ZNF234: variants seen among roughly 807,000 people sequenced by gnomAD.
The protein encoded by ZNF234 is zinc finger protein 234, also known as C2-H2 type zinc finger protein.
Under a neutral mutation model 10.3 loss-of-function variants are expected in ZNF234, and 4 were observed. The ratio of observed to expected loss-of-function variants is 0.39; its 90% CI spans 0.19 to 0.89. ZNF234 has a LOEUF of 0.89. Among genes scored for constraint, ZNF234 ranks in the 40% least tolerant of loss-of-function variants. ZNF234 has a pLI of 0.38. For missense variants in ZNF234, 711 were observed against 836.1 expected, an observed-to-expected ratio of 0.85 and a Z score of 1.85; for synonymous variants, 258 against 280.1, an observed-to-expected ratio of 0.92 and a Z score of 0.79.
At chr19:44,149,570 A>G (rs930547997) in intron 4 of ZNF234, among the ~76,000 whole-genome samples, 1 of 152,172 alleles carries the variant, frequency 6.6e-6, no homozygotes, top group Admixed American at 6.5e-5. Flanking sequence ...ATGAGTGCAG[A>G]CAGAAATGTG....
At chr19:44,152,252 G>C (rs1267762233) in intron 5 of ZNF234, among the ~76,000 whole-genome samples, 1 of 152,166 alleles carries the variant, frequency 6.6e-6, no homozygotes, top group African/African-American at 2.4e-5. Flanking sequence ...TCCAAGAGTG[G>C]AGGAATTTTT....
At chr19:44,142,584 G>C (rs1215401428) in intron 2 of ZNF234, among the ~76,000 whole-genome samples, 1 of 152,182 alleles carries the variant, frequency 6.6e-6, no homozygotes, top group Non-Finnish European at 1.5e-5. Flanking sequence ...TAGGCATTCA[G>C]GGTCAGAGCC....
chr19:44,152,091 G>T (rs1376177139), intron 5 of ZNF234, among the ~76,000 whole-genome samples: 1 of 152,044 alleles, frequency 6.6e-6, no homozygotes, highest in Non-Finnish European at 1.5e-5. Flanking sequence ...ACTTCATCCT[G>T]GTCTCTGCTC....
At chr19:44,153,160 T>TATATATATATATATATATATATA (rs1568552108) in intron 5 of ZNF234, among the ~76,000 whole-genome samples, 2 of 64,918 alleles carry the variant, frequency 3.1e-5, no homozygotes, top group African/African-American at 2.1e-4. Context: ...TAATCATGTA[T>TATATATATATATATATATATATA]TCATCATATA....
intron 4 of ZNF234, chr19:44,149,836 G>A (rs1968692985): frequency 6.6e-6 from 1 of 152,272 alleles, no homozygotes; most frequent in Admixed American, 6.5e-5. Context: ...AGAAAGTAGA[G>A]TGCCCACTGG....
chr19:44,154,767 A>G (rs1968839468), intron 5 of ZNF234, among the ~76,000 whole-genome samples: 1 of 151,348 alleles, frequency 6.6e-6, no homozygotes, highest in South Asian at 2.1e-4. Context: ...AAATAGTGTT[A>G]ACTACGGGTG....
At chr19:44,143,845 A>G (rs1968528483) in intron 2 of ZNF234, among the ~76,000 whole-genome samples, 1 of 152,170 alleles carries the variant, frequency 6.6e-6, no homozygotes, top group African/African-American at 2.4e-5. Context: ...ATTAATTTTT[A>G]TGAGTAGATA....
intron 3 of ZNF234, among the ~76,000 whole-genome samples, chr19:44,145,286 T>C (rs961327783): frequency 5.3e-5 from 8 of 152,368 alleles, no homozygotes; most frequent in Middle Eastern, 3.4e-3. Context: ...TGTTCATTTT[T>C]TGAGGTTATG....
intron 5 of ZNF234, among the ~76,000 whole-genome samples, chr19:44,152,000 A>G (rs549932894): frequency 3.3e-5 from 5 of 152,308 alleles, no homozygotes; most frequent in Middle Eastern, 3.4e-3. Context: ...TGCCAACTAC[A>G]GATACTTCTG....
At position 44,157,879 on chromosome 19, in the gene ZNF234, G is replaced by C. The variant is rs1968943852; in HGVS notation, c.1863G>C (p.Glu621Asp). 1.2e-6 allele frequency: 2 copies of C among 1,614,010 alleles called. No homozygotes were observed. Among genetic ancestry groups the C allele is most frequent in the African/African-American group, 2.7e-5 (2 of 74,898 alleles). ...LQLHQSVHTGEKPYKCDVCGK... is the reference protein window; with the variant it reads ...LQLHQSVHTGDKPYKCDVCGK... ...TTCATCAGAGTGTCCACACAGGAGA[G>C]AAACCATACAAATGTGATGTATGTG... The change falls in exon 6 of 6, where the codon GAG (glutamate) becomes GAC (aspartate). Residue 621 changes from glutamate (E) to aspartate (D), a missense_variant. Physicochemically the swap from Glu to Asp is conservative, Grantham distance 45 (BLOSUM62 2). Coordinates refer to ENST00000426739, the MANE Select transcript of ZNF234 (RefSeq NM_006630.3).
intron 4 of ZNF234, chr19:44,149,820 A>T (rs1158255162): frequency 6.6e-6 from 1 of 152,202 alleles, no homozygotes; most frequent in Non-Finnish European, 1.5e-5. Flanking sequence ...TTACAGTTTG[A>T]AAAAAAGAAA....
chr19:44,157,387 G>A lies in ZNF234; in HGVS notation c.1371G>A (p.Lys457=), dbSNP rs373527992. The A allele has an allele frequency of 6.2e-6, 10 of 1,613,982 alleles. No homozygotes were observed. The South Asian group carries it at 6.6e-5, about 11-fold the overall frequency. The change falls in exon 6 of 6, where the codon AAG becomes AAA. Residue 457 remains lysine, a synonymous_variant. Coordinates refer to ENST00000426739, the MANE Select transcript of ZNF234 (RefSeq NM_006630.3). ...CACATAGTGTACAGAAACCTTTTAAGTGTGAAGAGTGTGGGCAGGGCTTCA... is the reference window on the plus strand; with the variant it reads ...CACATAGTGTACAGAAACCTTTTAAATGTGAAGAGTGTGGGCAGGGCTTCA... The part of the protein sequence containing the change: ...LKAHSVQKPF[K]CEECGQGFNQ...
chr19:44,145,855 A>G (rs993902887), intron 3 of ZNF234, among the ~76,000 whole-genome samples: 2 of 152,250 alleles, frequency 1.3e-5, no homozygotes, highest in Non-Finnish European at 2.9e-5. Context: ...TTGCCTTTAT[A>G]AAGTAACCAG....
rs139497745 is a variant in ZNF234 at position 44,154,479 on chromosome 19, T to G, written c.236-1773T>G. ...TTTAGTCAGTATGTGGTTAGGTACT[T>G]GCTCCCAGCCTGCAAGTCATGTTAA... On this transcript the variant is annotated intron_variant, in intron 5 of 5. Coordinates refer to ENST00000426739, the MANE Select transcript of ZNF234 (RefSeq NM_006630.3). Among the ~76,000 whole-genome samples the G allele has an allele frequency of 3.7e-3, 565 of 152,250 alleles. 1 individual carries two copies. The highest frequency in any genetic ancestry group is 0.013 in the African/African-American group (546 of 41,538).
chr19:44,148,566 CT>C, intron 3 of ZNF234: 1 of 686,246 alleles, frequency 1.5e-6, no homozygotes, highest in Non-Finnish European at 2.6e-6. Flanking sequence ...GAATTGAAGG[CT>C]ATTGTTACTG....
chr19:44,142,548 T>A (rs769652581), intron 2 of ZNF234, among the ~76,000 whole-genome samples, 181 bp downstream of exon 2: 4 of 152,186 alleles, frequency 2.6e-5, no homozygotes, highest in Non-Finnish European at 4.4e-5. Context: ...ATCCAAGTAG[T>A]AAGAGGTGAA....
At chr19:44,150,533 G>C (rs1968715025) in intron 5 of ZNF234, 28 bp downstream of exon 5, 1 of 1,517,990 alleles carries the variant, frequency 6.6e-7, no homozygotes, top group African/African-American at 1.4e-5. Flanking sequence ...AAGAGTCCTT[G>C]TACGTGATTG....
intron 3 of ZNF234, 139 bp from the exon 4 acceptor site, chr19:44,148,632 G>A: frequency 8.3e-7 from 1 of 1,197,784 alleles, no homozygotes; most frequent in Non-Finnish European, 1.2e-6. Context: ...TAAGATGGAA[G>A]GAGAAGGGCT....
chr19:44,146,345 G>A (rs1355220367), intron 3 of ZNF234, among the ~76,000 whole-genome samples: 3 of 152,210 alleles, frequency 2.0e-5, no homozygotes, highest in Admixed American at 2.0e-4. Flanking sequence ...CCAGTAATGA[G>A]ATGGCTGGGT....
Sources: gnomAD v4.1 joint callset for allele counts (sites outside exome capture counted in the v4.1 genomes callset) on GRCh38, gnomAD v4.1.1 for gene constraint, MANE v1.5 for transcripts, NCBI Gene and HGNC (gene_info 2026-07-23, HGNC 2026-07-21) for gene names.